TNRC18: variants seen among roughly 807,000 people sequenced by gnomAD.
The protein encoded by TNRC18 is trinucleotide repeat containing 18.
In TNRC18, 69 loss-of-function variants were observed where a neutral mutation model predicts 226.7. That is an observed-to-expected ratio of 0.30 (90% CI 0.25 to 0.37). TNRC18 has a LOEUF of 0.37. TNRC18 is among the 10% of genes least tolerant of loss of function. The pLI, the probability that TNRC18 is intolerant of heterozygous loss-of-function variation, is 1.00. For synonymous variants in TNRC18, 2,449 were observed against 1,927.6 expected (o/e 1.27, Z -7.09); for missense variants, 4,754 against 4,256.6 (o/e 1.12, Z -3.25).
chr7:5,417,978 TTGTTAGCCAAGCCTCCAG>T, intron 2 of TNRC18, among the ~76,000 whole-genome samples: 1 of 152,008 alleles, frequency 6.6e-6, no homozygotes, highest in South Asian at 2.1e-4. Flanking sequence ...AGCCCCTCCC[TTGTTAGCCAAGCCTCCAG>T]TGTTAGCCAA....
In TNRC18 at chr7:5,394,604, A is replaced by T. The variant is rs1425642426; in HGVS notation, c.188-9T>A. ...GCCCAAGAAGGCCTCGCCTGCAGAGAGAAGTTGGGAGGACCGTCAGGCAGA... is the reference window on the plus strand; with the variant it reads ...GCCCAAGAAGGCCTCGCCTGCAGAGTGAAGTTGGGAGGACCGTCAGGCAGA... On this transcript the variant is annotated splice_polypyrimidine_tract_variant and intron_variant, in intron 2 of 29. Transcript: ENST00000430969. This position sits in a 1 kb window ranked among gnomAD's most constrained non-coding sequence, Gnocchi z 4.5. 1 of 1,539,842 alleles carries T rather than the reference A, an allele frequency of 6.5e-7. No individual in the cohort carries two copies. Among genetic ancestry groups the T allele is most frequent in the Non-Finnish European group, 8.7e-7 (1 of 1,143,492 alleles).
chr7:5,322,172 G>A (rs1260454316), intron 21 of TNRC18, among the ~76,000 whole-genome samples: 2 of 151,882 alleles, frequency 1.3e-5, no homozygotes, highest in Non-Finnish European at 2.9e-5. Flanking sequence ...CAGCTACTTG[G>A]GAGGCTGAGG....
rs976136802 is a variant in TNRC18 at position 5,398,301 on chromosome 7, G to C, written c.188-3706C>G. Among the ~76,000 whole-genome samples, 4 of 152,194 alleles carry C rather than the reference G, an allele frequency of 2.6e-5. No homozygotes were observed. In the East Asian group the frequency reaches 7.7e-4, roughly 29 times the overall value. ...TTCTCCTGCCTCAGCCTCCCAAGTAGCTGGGATTACAGGTATACCCCACGA... is the reference window on the plus strand; with the variant it reads ...TTCTCCTGCCTCAGCCTCCCAAGTACCTGGGATTACAGGTATACCCCACGA... On this transcript the variant is annotated intron_variant, in intron 2 of 29. Coordinates refer to ENST00000430969, the MANE Select transcript of TNRC18 (RefSeq NM_001080495.3).
At position 5,307,731 on chromosome 7, in the gene TNRC18, C is replaced by G. The variant is rs533453341; in HGVS notation, c.*375G>C. ...GTTCCTTAGAAGCGCCCCTCCCCAC[C>G]GAATCCCCAGTCTGCATGGACCTGG... is the stretch of plus-strand genomic sequence containing the variant. On this transcript the variant is annotated 3_prime_UTR_variant, in exon 30 of 30. Transcript: ENST00000430969. 1 of 346,324 alleles carries G rather than the reference C, an allele frequency of 2.9e-6. No individual in the cohort carries two copies. The highest frequency in any genetic ancestry group is 5.6e-6 in the Non-Finnish European group (1 of 177,172). The allele number at this position is 346,324 out of a possible 1,614,324, so 21.5% of individuals were successfully genotyped here.
intron 19 of TNRC18, among the ~76,000 whole-genome samples, chr7:5,328,078 C>T (rs1789120445): frequency 6.6e-6 from 1 of 151,766 alleles, no homozygotes; most frequent in Admixed American, 6.6e-5. Context: ...AAAAATTAGG[C>T]GTGAGGGCAC....
In TNRC18 at chr7:5,312,669, G is replaced by C. The variant is rs771440415; in HGVS notation, c.8222C>G (p.Ala2741Gly). ...GGGTCGGCTCTTGGCCCCGGCCTGA[G>C]CCTTGGGCTGCAGAGGCTGTGTGGG... Reference protein sequence around the residue: ...PQPTQPLQPKAQAGAKSRPKK... With the variant: ...PQPTQPLQPKGQAGAKSRPKK... The change falls in exon 27 of 30, where the codon GCT becomes GGT. Residue 2741 changes from alanine to glycine, a missense_variant. By Grantham distance (60) the Ala-to-Gly change is moderately conservative. Transcript: ENST00000430969. The surrounding 1 kb of genome is among the most constrained non-coding windows in gnomAD (Gnocchi z 6.3). 14 of 1,605,528 alleles carry C rather than the reference G, an allele frequency of 8.7e-6. No individual in the cohort carries two copies. The African/African-American group carries it at 1.6e-4, about 18-fold the overall frequency.
At chr7:5,330,892 C>A (rs1029123987) in intron 19 of TNRC18, among the ~76,000 whole-genome samples, 11 of 152,202 alleles carry the variant, frequency 7.2e-5, no homozygotes, top group African/African-American at 2.6e-4. Flanking sequence ...CCAGGCTGGT[C>A]TCAAACTCCT....
chr7:5,358,617 C>T (rs1792702259), intron 15 of TNRC18, among the ~76,000 whole-genome samples: 1 of 152,146 alleles, frequency 6.6e-6, no homozygotes, highest in Non-Finnish European at 1.5e-5. Context: ...AGTTCGAGGC[C>T]AGCCTGGCCA....
chr7:5,403,661 G>A (rs1042250760), intron 2 of TNRC18, among the ~76,000 whole-genome samples: 3 of 152,012 alleles, frequency 2.0e-5, no homozygotes, highest in Non-Finnish European at 4.4e-5. Flanking sequence ...GCTTAGTGGT[G>A]TACACCTGTA....
chr7:5,390,950 CAA>C (rs1450039344), intron 3 of TNRC18, among the ~76,000 whole-genome samples: 1 of 152,132 alleles, frequency 6.6e-6, no homozygotes, highest in African/African-American at 2.4e-5. Flanking sequence ...ATTTAAACCT[CAA>C]AAACAACCTA....
intron 4 of TNRC18, chr7:5,390,282 T>G (rs1434360227): frequency 6.9e-6 from 4 of 578,662 alleles, no homozygotes; most frequent in African/African-American, 5.8e-5. Flanking sequence ...GGTGCATCAT[T>G]TGGGAGTTTG....
intron 25 of TNRC18, among the ~76,000 whole-genome samples, chr7:5,315,622 C>A (rs1331985599): frequency 6.6e-6 from 1 of 152,180 alleles, no homozygotes; most frequent in East Asian, 1.9e-4. Context: ...CAGGGTTTCA[C>A]CATATTGGCT....
chr7:5,320,875 C>T (rs758579564), intron 22 of TNRC18, among the ~76,000 whole-genome samples, 198 bp downstream of exon 22: 3 of 152,266 alleles, frequency 2.0e-5, no homozygotes, highest in Non-Finnish European at 4.4e-5. Flanking sequence ...CCGCGCCCAG[C>T]CCCTGGGAGG....
chr7:5,314,057 C>T (rs556667898), intron 26 of TNRC18, among the ~76,000 whole-genome samples, 194 bp from the exon 27 acceptor site: 1 of 152,078 alleles, frequency 6.6e-6, no homozygotes, highest in Non-Finnish European at 1.5e-5. Flanking sequence ...TGCCTGGGCT[C>T]ATGTGAGCCT....
chr7:5,326,268 G>A (rs1162636317), intron 19 of TNRC18, among the ~76,000 whole-genome samples: 3 of 151,938 alleles, frequency 2.0e-5, no homozygotes, highest in Non-Finnish European at 4.4e-5. Context: ...AAAAAAGTGG[G>A]AATTTACCAA....
At chr7:5,350,255 C>T (rs910739083) in intron 17 of TNRC18, among the ~76,000 whole-genome samples, 3 of 151,954 alleles carry the variant, frequency 2.0e-5, no homozygotes, top group East Asian at 1.9e-4. Flanking sequence ...CTTCTCGGTC[C>T]GGGGTGGTGT....
Position 5,356,965 on chromosome 7 carries a change from G to A in TNRC18, c.5145C>T (p.Pro1715=), listed in dbSNP as rs1212058109. The A allele has an allele frequency of 6.4e-7, 1 of 1,551,950 alleles. No individual in the cohort carries two copies. The highest frequency in any genetic ancestry group is 2.4e-5 in the East Asian group (1 of 40,922). The change falls in exon 16 of 30, where the codon CCC becomes CCT. Residue 1715 remains proline, a synonymous_variant. Coordinates refer to ENST00000430969, the MANE Select transcript of TNRC18 (RefSeq NM_001080495.3). ...AGGCAAACGGGGAATGGGCCGACTT[G>A]GGCTGGCCTCTGGCCTTGAACCCCA... The part of the protein sequence containing the change: ...MEVGFKARGQ[P]KSAHSPFASE...
rs1562474777 is a variant in TNRC18 at position 5,312,307 on chromosome 7, A to T, written c.8388+196T>A. Among the ~76,000 whole-genome samples, 1 of 152,200 alleles carries T rather than the reference A, an allele frequency of 6.6e-6. No individual in the cohort carries two copies. Among genetic ancestry groups the T allele is most frequent in the Non-Finnish European group, 1.5e-5 (1 of 68,028 alleles). On this transcript the variant is annotated intron_variant, in intron 27 of 29. Coordinates refer to ENST00000430969, the MANE Select transcript of TNRC18 (RefSeq NM_001080495.3). This position sits in a 1 kb window ranked among gnomAD's most constrained non-coding sequence, Gnocchi z 6.3. ...CCACTCTGCTCTGAAGGACTCGGGC[A>T]TCGGAGTCCGACAGACCCAGGTGCC...
intron 2 of TNRC18, among the ~76,000 whole-genome samples, chr7:5,407,912 A>G (rs1781585724): frequency 6.6e-6 from 1 of 152,228 alleles, no homozygotes; most frequent in South Asian, 2.1e-4. Flanking sequence ...CTCTTAGCAG[A>G]GACAAAAGAA....
Sources: gnomAD v4.1 joint callset for allele counts (sites outside exome capture counted in the v4.1 genomes callset) on GRCh38, gnomAD v4.1.1 for gene constraint, Gnocchi (gnomAD v3.1) non-coding constraint, MANE v1.5 for transcripts, NCBI Gene and HGNC (gene_info 2026-07-23, HGNC 2026-07-21) for gene names.